The following MFSD11 variants were observed in gnomAD, a reference collection of about 807,000 sequenced individuals.
The protein encoded by MFSD11 is UNC93-like protein MFSD11.
In MFSD11, 36 loss-of-function variants were observed where a neutral mutation model predicts 53.5. That is an observed-to-expected ratio of 0.67 (90% CI 0.52 to 0.89). The LOEUF is 0.89. Ranked by LOEUF, MFSD11 falls within the 40% of genes least tolerant of loss-of-function variation. The pLI, the probability that MFSD11 is intolerant of heterozygous loss-of-function variation, is 0.00. For synonymous variants in MFSD11, 186 were observed against 184.9 expected, an observed-to-expected ratio of 1.01 and a Z score of -0.05; for missense variants, 530 against 543.9, an observed-to-expected ratio of 0.97 and a Z score of 0.25.
At chr17:76,746,040 C>G (rs2078516315) in intron 7 of MFSD11, among the ~76,000 whole-genome samples, 1 of 152,110 alleles carries the variant, frequency 6.6e-6, no homozygotes. Flanking sequence ...AAAGCTATGC[C>G]TCTTGTGCCA....
At chr17:76,792,809 G>A in the MFSD11 span, among the ~76,000 whole-genome samples, 5 of 151,422 alleles carry the variant, frequency 3.3e-5, no homozygotes, top group Non-Finnish European at 7.3e-5. Context: ...TAGTCATGTA[G>A]GTTCTTTTCT....
chr17:76,799,973 T>TTTTTTTA, the MFSD11 span, among the ~76,000 whole-genome samples: 1 of 137,534 alleles, frequency 7.3e-6, no homozygotes, highest in African/African-American at 2.6e-5. Flanking sequence ...TTTTTTTTTT[T>TTTTTTTA]GAGACCGAGT....
chr17:76,769,895 G>A (rs1406378475), intron 10 of MFSD11, 24 bp downstream of exon 10: 2 of 1,598,992 alleles, frequency 1.3e-6, no homozygotes, highest in Admixed American at 3.6e-5. Flanking sequence ...AAAAGCGTTT[G>A]CATTAAAAAT....
chr17:76,784,933 C>T (rs977679564), downstream of MFSD11, among the ~76,000 whole-genome samples: 3 of 152,124 alleles, frequency 2.0e-5, no homozygotes, highest in African/African-American at 7.2e-5. Context: ...TTATTCTCAA[C>T]AAACTAAAAA....
At position 76,738,203 on chromosome 17, in the gene MFSD11, C is replaced by G; in HGVS notation, c.-150C>G. ...TCGCCCTAAACCTGGGGTTCCGATCCAGGAACTGGAAGTTGACAGCTTGGC... is the reference window on the plus strand; with the variant it reads ...TCGCCCTAAACCTGGGGTTCCGATCGAGGAACTGGAAGTTGACAGCTTGGC... On this transcript the variant is annotated 5_prime_UTR_variant, in exon 1 of 13. Transcript: ENST00000685175. The G allele has an allele frequency of 1.6e-6, 1 of 622,308 alleles. No individual in the cohort carries two copies. The highest frequency in any genetic ancestry group is 2.9e-6 in the Non-Finnish European group (1 of 350,544). 38.5% of individuals were successfully genotyped at this position (622,308 alleles called of 1,614,324 possible).
In MFSD11 at chr17:76,753,236, C is replaced by G. The variant is rs1031646341; in HGVS notation, c.642-811C>G. Among the ~76,000 whole-genome samples the G allele has an allele frequency of 6.6e-5, 10 of 151,862 alleles. No homozygotes were observed. In the South Asian group the frequency reaches 8.3e-4, roughly 13 times the overall value. Reference sequence around the variant, plus strand: ...TGAATGAAAGCTAACTTCAAGAAAGCCTTCATGATACCACATCCAAAGTAA... The same window carrying G: ...TGAATGAAAGCTAACTTCAAGAAAGGCTTCATGATACCACATCCAAAGTAA... On this transcript the variant is annotated intron_variant, in intron 7 of 12. Transcript: ENST00000685175.
At chr17:76,773,601 A>G (rs1471079280) in intron 10 of MFSD11, among the ~76,000 whole-genome samples, 1 of 151,106 alleles carries the variant, frequency 6.6e-6, no homozygotes, top group Non-Finnish European at 1.5e-5. Context: ...TTTACTGTTA[A>G]CCTTCACTTT....
chr17:76,759,815 A>G (rs1309556893), intron 8 of MFSD11, among the ~76,000 whole-genome samples: 1 of 115,320 alleles, frequency 8.7e-6, no homozygotes, highest in East Asian at 2.6e-4. Flanking sequence ...GAGTTTCACC[A>G]TGTTGGCCAG....
At chr17:76,746,969 C>T (rs971177869) in intron 7 of MFSD11, among the ~76,000 whole-genome samples, 1 of 151,150 alleles carries the variant, frequency 6.6e-6, no homozygotes, top group Non-Finnish European at 1.5e-5. Context: ...AGTGCAGTGG[C>T]GGGATCTCGG....
chr17:76,788,163 C>T, the MFSD11 span, among the ~76,000 whole-genome samples: 1 of 148,930 alleles, frequency 6.7e-6, no homozygotes, highest in African/African-American at 2.5e-5. Context: ...GCCTCAGCCT[C>T]CTGTGTAGCT....
At chr17:76,772,866 A>G (rs912117864) in intron 10 of MFSD11, among the ~76,000 whole-genome samples, 2 of 152,136 alleles carry the variant, frequency 1.3e-5, no homozygotes, top group Non-Finnish European at 2.9e-5. Context: ...CATTTAATTG[A>G]AAACAGCATA....
the MFSD11 span, among the ~76,000 whole-genome samples, chr17:76,793,264 G>A: frequency 2.0e-5 from 3 of 151,308 alleles, no homozygotes; most frequent in Admixed American, 6.6e-5. Flanking sequence ...CTACAGTTTC[G>A]ACCATAGAAG....
chr17:76,783,022 C>T (rs913738546), downstream of MFSD11, among the ~76,000 whole-genome samples: 1 of 151,306 alleles, frequency 6.6e-6, no homozygotes, highest in African/African-American at 2.4e-5. Context: ...ACTAAGAATA[C>T]AAAAATTAGC....
chr17:76,795,498 A>C, the MFSD11 span, among the ~76,000 whole-genome samples: 1 of 151,954 alleles, frequency 6.6e-6, no homozygotes, highest in Admixed American at 6.6e-5. Context: ...CCCAAAAAAA[A>C]AAAATTATAA....
At position 76,776,330 on chromosome 17, in the gene MFSD11, G is replaced by T. The variant is rs1200908442; in HGVS notation, c.1050-76G>T. The T allele has an allele frequency of 6.8e-7, 1 of 1,481,414 alleles. No homozygotes were observed. Among genetic ancestry groups the T allele is most frequent in the Non-Finnish European group, 9.2e-7 (1 of 1,091,926 alleles). 91.8% of individuals were successfully genotyped at this position (1,481,414 alleles called of 1,614,324 possible). On this transcript the variant is annotated intron_variant, in intron 11 of 12. Coordinates refer to ENST00000685175, the MANE Select transcript of MFSD11 (RefSeq NM_001242532.5). The surrounding 1 kb of genome is among the most constrained non-coding windows in gnomAD (Gnocchi z 4.2). ...TACAACTTGCAGGTAGAATTCTTTT[G>T]TGGGTGGGTTGCTTGTATATTTTAA...
At chr17:76,737,943 C>T, upstream of MFSD11, 1 of 217,464 alleles carries the variant, frequency 4.6e-6, no homozygotes, top group South Asian at 1.7e-4. Flanking sequence ...CGTTTCCCAG[C>T]GGGCCGAGCG....
At chr17:76,756,965 A>G (rs1490705523) in intron 8 of MFSD11, among the ~76,000 whole-genome samples, 3 of 152,096 alleles carry the variant, frequency 2.0e-5, no homozygotes, top group African/African-American at 7.2e-5. Flanking sequence ...TTTTGATGGC[A>G]CTTGACATTT....
the MFSD11 span, among the ~76,000 whole-genome samples, chr17:76,786,733 T>C: frequency 6.6e-6 from 1 of 152,242 alleles, no homozygotes; most frequent in Non-Finnish European, 1.5e-5. Flanking sequence ...TCTGGTCACA[T>C]AGGCAGCCTC....
chr17:76,789,700 G>T, the MFSD11 span, among the ~76,000 whole-genome samples: 1 of 149,970 alleles, frequency 6.7e-6, no homozygotes, highest in African/African-American at 2.4e-5. Flanking sequence ...GCCCTGCTCA[G>T]TTCTGCCTAA....
Sources: gnomAD v4.1 joint callset for allele counts (sites outside exome capture counted in the v4.1 genomes callset) on GRCh38, gnomAD v4.1.1 for gene constraint, Gnocchi (gnomAD v3.1) non-coding constraint, MANE v1.5 for transcripts, NCBI Gene and HGNC (gene_info 2026-07-23, HGNC 2026-07-21) for gene names.